The following PDE10A variants were observed in gnomAD, a reference collection of about 807,000 sequenced individuals.
PDE10A encodes the protein cAMP and cAMP-inhibited cGMP 3',5'-cyclic phosphodiesterase 10A.
In PDE10A, 39 loss-of-function variants were observed where a neutral mutation model predicts 97.7. That is an observed-to-expected ratio of 0.40 (90% CI 0.31 to 0.52). PDE10A has a LOEUF of 0.52. PDE10A is among the 20% of genes least tolerant of loss of function. The probability of loss-of-function intolerance (pLI) is 0.56; values close to 1 mark genes in which losing one functional copy is unlikely to be tolerated. For missense variants in PDE10A, 731 were observed against 1,047.8 expected, an observed-to-expected ratio of 0.70 and a Z score of 4.17; for synonymous variants, 371 against 376.8, an observed-to-expected ratio of 0.98 and a Z score of 0.18.
At chr6:165,539,402 G>A (rs572008365) in intron 2 of PDE10A, among the ~76,000 whole-genome samples, 40 of 152,306 alleles carry the variant, frequency 2.6e-4, no homozygotes, top group Admixed American at 7.2e-4. Flanking sequence ...AAATCTCGTC[G>A]TAATCGCGCC....
At chr6:165,584,220 T>C (rs1166109509) in intron 1 of PDE10A, among the ~76,000 whole-genome samples, 3 of 152,190 alleles carry the variant, frequency 2.0e-5, no homozygotes, top group Non-Finnish European at 2.9e-5. Context: ...GCACAGTCAG[T>C]GCACTGCAGT....
At chr6:165,793,709 TTAGA>T (rs1368562912) in intron 1 of PDE10A, among the ~76,000 whole-genome samples, 2 of 152,226 alleles carry the variant, frequency 1.3e-5, no homozygotes, top group African/African-American at 2.4e-5. Flanking sequence ...GTGGTGGCAC[TTAGA>T]TAAACACACA....
intron 1 of PDE10A, among the ~76,000 whole-genome samples, chr6:165,861,843 G>A (rs1467473513): frequency 6.6e-6 from 1 of 152,170 alleles, no homozygotes; most frequent in Non-Finnish European, 1.5e-5. Flanking sequence ...TATTTCCATA[G>A]GCAGACAAAA....
intron 1 of PDE10A, among the ~76,000 whole-genome samples, chr6:165,786,730 C>T (rs1778508509): frequency 6.6e-6 from 1 of 152,170 alleles, no homozygotes; most frequent in Non-Finnish European, 1.5e-5. Flanking sequence ...GATGGAGGAA[C>T]TTCTCTATTC....
chr6:165,957,963 G>GT (rs1338449881), intron 1 of PDE10A, among the ~76,000 whole-genome samples: 1 of 152,210 alleles, frequency 6.6e-6, no homozygotes, highest in African/African-American at 2.4e-5. Flanking sequence ...GCAAGCGGTG[G>GT]TTCCCCAGCA....
At chr6:165,770,794 T>C (rs572311388) in intron 1 of PDE10A, among the ~76,000 whole-genome samples, 1 of 152,280 alleles carries the variant, frequency 6.6e-6, no homozygotes, top group South Asian at 2.1e-4. Flanking sequence ...CTCGAACCAT[T>C]TGAGGTCAAG....
chr6:165,538,480 T>C (rs927234845), intron 2 of PDE10A, among the ~76,000 whole-genome samples: 4 of 152,168 alleles, frequency 2.6e-5, no homozygotes, highest in Non-Finnish European at 5.9e-5. Context: ...ACTAAGTAAC[T>C]CGCCTTTAAG....
At chr6:165,361,439 T>C (rs1443817613) in intron 18 of PDE10A, among the ~76,000 whole-genome samples, 1 of 152,248 alleles carries the variant, frequency 6.6e-6, no homozygotes, top group Non-Finnish European at 1.5e-5. Context: ...TATTCTCATA[T>C]GACTATTATG....
At chr6:165,758,616 CAGA>C (rs1262313461) in intron 1 of PDE10A, among the ~76,000 whole-genome samples, 1 of 144,054 alleles carries the variant, frequency 6.9e-6, no homozygotes, top group Non-Finnish European at 1.5e-5. Context: ...GAAGAAGCAG[CAGA>C]AGAAGAGGAA....
intron 1 of PDE10A, among the ~76,000 whole-genome samples, chr6:165,777,130 G>C (rs1454318060): frequency 6.6e-6 from 1 of 152,188 alleles, no homozygotes; most frequent in South Asian, 2.1e-4. Context: ...CAGCATCCCG[G>C]ACGAATCTCA....
intron 1 of PDE10A, among the ~76,000 whole-genome samples, chr6:165,576,160 T>A (rs896935135): frequency 6.6e-6 from 1 of 152,134 alleles, no homozygotes; most frequent in African/African-American, 2.4e-5. Flanking sequence ...CAAAAGCCAT[T>A]AAAACTAACC....
exon 1 of PDE10A, chr6:165,987,738 C>A (rs1025973116): frequency 4.4e-6 from 2 of 456,546 alleles, no homozygotes; most frequent in Non-Finnish European, 8.8e-6. Context: ...CTCGCGCGCT[C>A]CGCTCAGCAG....
At chr6:165,758,286 C>T (rs987924868) in intron 1 of PDE10A, among the ~76,000 whole-genome samples, 6 of 152,032 alleles carry the variant, frequency 3.9e-5, no homozygotes, top group African/African-American at 1.4e-4. Context: ...CATGGTGAAG[C>T]CCCATCTCTA....
In PDE10A at chr6:165,332,037, T is replaced by A. The variant is rs1464587065; in HGVS notation, c.*988A>T. On this transcript the variant is annotated 3_prime_UTR_variant, in exon 22 of 22. Coordinates refer to ENST00000539869, the MANE Select transcript of PDE10A (RefSeq NM_001385079.1). ...TATGGTTTGATGTTTAAAAGAGAAC[T>A]GTATGGTATTTTAATTAAACAATGT... 6.6e-6 allele frequency: 1 copy of A among 152,196 alleles called. No individual in the cohort carries two copies. 9.4% of individuals were successfully genotyped at this position (152,196 alleles called of 1,614,324 possible). A position where few individuals can be genotyped will look rare whatever the true frequency, so the allele number is the denominator to read the frequency against.
chr6:165,947,856 C>T (rs1035478406), intron 1 of PDE10A, among the ~76,000 whole-genome samples: 2 of 152,120 alleles, frequency 1.3e-5, no homozygotes, highest in Non-Finnish European at 2.9e-5. Context: ...TTACCCCCGA[C>T]CTGGAATTAT....
intron 12 of PDE10A, among the ~76,000 whole-genome samples, chr6:165,414,412 T>C: frequency 6.6e-6 from 1 of 152,206 alleles, no homozygotes; most frequent in East Asian, 1.9e-4. Flanking sequence ...CGGTAGGTAG[T>C]TACATGGGAG....
chr6:165,928,766 C>T (rs1783028463), intron 1 of PDE10A, among the ~76,000 whole-genome samples: 1 of 152,178 alleles, frequency 6.6e-6, no homozygotes, highest in Non-Finnish European at 1.5e-5. Context: ...GTGCTGGGAC[C>T]TATGGTGGGC....
chr6:165,702,332 A>G (rs893115532), intron 1 of PDE10A, among the ~76,000 whole-genome samples: 4 of 152,214 alleles, frequency 2.6e-5, no homozygotes, highest in Non-Finnish European at 5.9e-5. Context: ...CTTACAACAG[A>G]GCCAGACCTT....
At chr6:165,692,378 G>A (rs1004532008) in intron 1 of PDE10A, among the ~76,000 whole-genome samples, 5 of 152,336 alleles carry the variant, frequency 3.3e-5, no homozygotes, top group South Asian at 2.1e-4. Flanking sequence ...GGTTTCCCAC[G>A]TCTTCAGCAT....
Sources: allele counts gnomAD v4.1 joint callset (sites outside exome capture counted in the v4.1 genomes callset), GRCh38; gene constraint gnomAD v4.1.1; transcripts MANE v1.5; gene names NCBI Gene and HGNC (gene_info 2026-07-23, HGNC 2026-07-21).